Variants in ITGAE observed in about 807,000 individuals in gnomAD.
The protein encoded by ITGAE is integrin subunit alpha E.
In ITGAE, 99 loss-of-function variants were observed where a neutral mutation model predicts 136.5. That is an observed-to-expected ratio of 0.73 (90% CI 0.62 to 0.86). ITGAE has a LOEUF of 0.86. ITGAE is among the 40% of genes least tolerant of loss of function. The probability of loss-of-function intolerance (pLI) is 0.00; values close to 1 mark genes in which losing one functional copy is unlikely to be tolerated. For synonymous variants in ITGAE, 613 were observed against 591.8 expected, an observed-to-expected ratio of 1.04 and a Z score of -0.52; for missense variants, 1,447 against 1,515.3, an observed-to-expected ratio of 0.95 and a Z score of 0.75.
rs1346685114 is a variant in ITGAE, at chr17:3,798,475, C to T, written c.34+2636G>A. Among the ~76,000 whole-genome samples the T allele has an allele frequency of 1.3e-5, 2 of 152,136 alleles. No homozygotes were observed. Among genetic ancestry groups the T allele is most frequent in the East Asian group, 1.9e-4 (1 of 5,184 alleles). On this transcript the variant is annotated intron_variant, in intron 1 of 30. Coordinates refer to ENST00000263087, the MANE Select transcript of ITGAE (RefSeq NM_002208.5). This position sits in a 1 kb window ranked among gnomAD's most constrained non-coding sequence, Gnocchi z 4.3. ...CCAGGGCTTGGTCCCTCCTATCCCC[C>T]CTGCACAGAAGGCCCCTCTGCTCAC...
intron 8 of ITGAE, 109 bp from the exon 9 acceptor site, chr17:3,757,968 C>T: frequency 7.6e-7 from 1 of 1,308,996 alleles, no homozygotes; most frequent in Non-Finnish European, 1.1e-6. Flanking sequence ...GTTCACAATC[C>T]TCCCGAAAGA....
At chr17:3,759,582 G>A (rs566430102) in intron 7 of ITGAE, 29 bp from the exon 8 acceptor site, 8 of 1,595,192 alleles carry the variant, frequency 5.0e-6, no homozygotes, top group Middle Eastern at 1.7e-4. Context: ...AGGGCAGGAG[G>A]TTGGAAGAAT....
chr17:3,720,372 G>A lies in ITGAE; in HGVS notation c.3268C>T (p.Leu1090Phe), dbSNP rs371695135. 6 of 1,573,036 alleles carry A rather than the reference G, an allele frequency of 3.8e-6. No homozygotes were observed. The highest frequency in any genetic ancestry group is 4.4e-6 in the Non-Finnish European group (5 of 1,142,652). ...GATTTGTTGAAAGATATTTCACCAAGGATCTGCAGTTCAGTTACATCTTTT... is the reference window on the plus strand; with the variant it reads ...GATTTGTTGAAAGATATTTCACCAAAGATCTGCAGTTCAGTTACATCTTTT... ...LLKDVTELQI[L>F]GEISFNKSLY... The change falls in exon 29 of 31, where the codon CTT becomes TTT. Residue 1090 changes from leucine (L) to phenylalanine (F), a missense_variant. Physicochemically the swap from Leu to Phe is conservative, Grantham distance 22. Around this residue, in one of 3 missense-constraint regions of ITGAE, gnomAD observed 1,031 missense variants for 1,011.4 expected, o/e 1.02. Coordinates refer to ENST00000263087, the MANE Select transcript of ITGAE (RefSeq NM_002208.5).
chr17:3,728,328 A>C (rs993237320), intron 24 of ITGAE, 160 bp from the exon 25 acceptor site: 3 of 614,228 alleles, frequency 4.9e-6, no homozygotes, highest in African/African-American at 1.9e-5. Flanking sequence ...TCAGCCTGGG[A>C]AAGTGTTGGG....
At chr17:3,781,085 T>TGTACATA (rs1352915931) in intron 1 of ITGAE, among the ~76,000 whole-genome samples, 2 of 152,224 alleles carry the variant, frequency 1.3e-5, no homozygotes, top group Admixed American at 6.6e-5. Flanking sequence ...CATTATTCAT[T>TGTACATA]TTCATGAAAC....
At position 3,748,108 on chromosome 17, in the gene ITGAE, G is replaced by A. The variant is rs1009510124; in HGVS notation, c.2025-56C>T. 1.9e-6 allele frequency: 3 copies of A among 1,562,294 alleles called. No individual in the cohort carries two copies. The African/African-American group carries it at 4.1e-5, about 21-fold the overall frequency. Reference sequence around the variant, plus strand: ...GTGACTGCTCAGCCTCTGGGTCAGGGCCTGGCTGATTGGTTCATGCATTCA... The same window carrying A: ...GTGACTGCTCAGCCTCTGGGTCAGGACCTGGCTGATTGGTTCATGCATTCA... On this transcript the variant is annotated intron_variant, in intron 16 of 30. Coordinates refer to ENST00000263087, the MANE Select transcript of ITGAE (RefSeq NM_002208.5).
chr17:3,754,252 CACT>C (rs2051946600), intron 12 of ITGAE, among the ~76,000 whole-genome samples: 1 of 152,044 alleles, frequency 6.6e-6, no homozygotes, highest in South Asian at 2.1e-4. Context: ...GGACGCCCAC[CACT>C]ATTATTATTT....
At chr17:3,724,139 C>T in intron 26 of ITGAE, 1 of 1,595,286 alleles carries the variant, frequency 6.3e-7, no homozygotes, top group East Asian at 2.2e-5. Context: ...ATCCCGACGA[C>T]CCCGACTTCC....
intron 5 of ITGAE, 52 bp downstream of exon 5, chr17:3,761,351 C>T (rs1313595477): frequency 6.4e-7 from 1 of 1,555,806 alleles, no homozygotes; most frequent in Admixed American, 1.9e-5. Flanking sequence ...TTCTTGGAGA[C>T]CAAGGAGATC....
chr17:3,723,729 T>C lies in ITGAE; in HGVS notation c.3100A>G (p.Thr1034Ala). The C allele has an allele frequency of 6.2e-7, 1 of 1,606,482 alleles. No homozygotes were observed. Among genetic ancestry groups the C allele is most frequent in the Non-Finnish European group, 8.5e-7 (1 of 1,176,638 alleles). Residue 1034 changes from threonine (T) to alanine (A), a missense_variant, in exon 27 of 31, where the codon ACC (threonine) becomes GCC (alanine). Thr to Ala is a moderately conservative substitution (Grantham distance 58, BLOSUM62 0). This residue lies in a region of ITGAE where 1,031 missense variants were observed against 1,011.4 expected (regional missense o/e 1.02). Coordinates refer to ENST00000263087, the MANE Select transcript of ITGAE (RefSeq NM_002208.5). ...LTRTQASTVCTWSQERACAYS... is the reference protein window; with the variant it reads ...LTRTQASTVCAWSQERACAYS... ...GCACAAGCGCGCTCCTGACTCCAGGTGCACACCGTGGAGGCCTGAAACGAG... is the reference window on the plus strand; with the variant it reads ...GCACAAGCGCGCTCCTGACTCCAGGCGCACACCGTGGAGGCCTGAAACGAG...
At position 3,734,747 on chromosome 17, in the gene ITGAE, C is replaced by T. The variant is rs2051423622; in HGVS notation, c.2655+70G>A. ...GCAGGGGTGCCAGTGAGGGGGCCAC[C>T]ACAGAAAAGCAGGCATGCAGCGAGG... is the stretch of plus-strand genomic sequence containing the variant. On this transcript the variant is annotated intron_variant, in intron 21 of 30. Coordinates refer to ENST00000263087, the MANE Select transcript of ITGAE (RefSeq NM_002208.5). 4 of 1,593,148 alleles carry T rather than the reference C, an allele frequency of 2.5e-6. No homozygotes were observed. In the Admixed American group the frequency reaches 6.7e-5, roughly 27 times the overall value.
At chr17:3,720,577 C>A in intron 28 of ITGAE, 175 bp from the exon 29 acceptor site, 6 of 421,872 alleles carry the variant, frequency 1.4e-5, no homozygotes, top group Non-Finnish European at 1.2e-5. Context: ...AGTTATTCTT[C>A]AACTTCCTTT....
At chr17:3,769,684 G>A (rs578215318) in intron 2 of ITGAE, among the ~76,000 whole-genome samples, 5 of 152,194 alleles carry the variant, frequency 3.3e-5, no homozygotes, top group South Asian at 4.2e-4. Flanking sequence ...TATGTTTTTC[G>A]TTGTTTGTTT....
In ITGAE at chr17:3,714,688, A is replaced by G. The variant is rs932670358; in HGVS notation, c.*159T>C. 3 of 503,578 alleles carry G rather than the reference A, an allele frequency of 6.0e-6. No individual in the cohort carries two copies. The highest frequency in any genetic ancestry group is 5.9e-5 in the African/African-American group (3 of 50,704). 31.2% of individuals were successfully genotyped at this position (503,578 alleles called of 1,614,324 possible). A position where few individuals can be genotyped will look rare whatever the true frequency, so the allele number is the denominator to read the frequency against. The stretch of plus-strand genomic sequence containing the variant: ...GTTTCCTAAGTTTACTTTTTGCACA[A>G]TGCACAGACACTTTTGGGACAATGT... On this transcript the variant is annotated 3_prime_UTR_variant, in exon 31 of 31. Transcript: ENST00000263087.
intron 18 of ITGAE, 38 bp from the exon 19 acceptor site, chr17:3,743,655 T>C (rs1260546137): frequency 6.3e-7 from 1 of 1,583,122 alleles, no homozygotes; most frequent in South Asian, 1.2e-5. Context: ...TAGAGTTGGA[T>C]GTGGGGGAGA....
At chr17:3,753,687 C>A in intron 13 of ITGAE, 96 bp downstream of exon 13, 1 of 1,474,570 alleles carries the variant, frequency 6.8e-7, no homozygotes, top group South Asian at 1.2e-5. Context: ...AGCCCGGGCC[C>A]TGGCCCACTG....
intron 10 of ITGAE, 49 bp downstream of exon 10, chr17:3,756,935 G>A: frequency 3.2e-6 from 5 of 1,582,586 alleles, no homozygotes; most frequent in South Asian, 2.3e-5. Context: ...GGCCGGGCTG[G>A]AGCATAGGCT....
chr17:3,767,909 G>A (rs1327570947), intron 2 of ITGAE, among the ~76,000 whole-genome samples: 1 of 152,166 alleles, frequency 6.6e-6, no homozygotes, highest in Non-Finnish European at 1.5e-5. Context: ...TTACTATGCT[G>A]CAGGCTTGAG....
intron 1 of ITGAE, among the ~76,000 whole-genome samples, chr17:3,782,101 A>C (rs12942486): frequency 0.11 from 16,030 of 151,362 alleles, 959 homozygotes; most frequent in East Asian, 0.17. Context: ...GTGGTGAAAC[A>C]CTGTCTCTAC....
Sources: allele counts gnomAD v4.1 joint callset (sites outside exome capture counted in the v4.1 genomes callset), GRCh38; gene constraint gnomAD v4.1.1; regional missense constraint gnomAD v4.1.1; non-coding constraint Gnocchi (gnomAD v3.1); transcripts MANE v1.5; gene names NCBI Gene and HGNC (gene_info 2026-07-23, HGNC 2026-07-21).